The following KAZN variants were observed in gnomAD, a reference collection of about 807,000 sequenced individuals.
KAZN encodes the protein kazrin.
KAZN carries 40 observed loss-of-function variants against 87.4 expected under a neutral mutation model. The observed-to-expected ratio is 0.46, with a 90% CI of 0.36 to 0.60. KAZN has a LOEUF of 0.60. KAZN is among the 20% of genes least tolerant of loss of function. The probability of loss-of-function intolerance (pLI) is 0.00; values close to 1 mark genes in which losing one functional copy is unlikely to be tolerated. For missense variants in KAZN, 898 were observed against 1,073.9 expected (o/e 0.84, Z 2.29); for synonymous variants, 466 against 458.3 (o/e 1.02, Z -0.22).
intron 2 of KAZN, among the ~76,000 whole-genome samples, chr1:15,001,975 G>A (rs1212662646): frequency 6.7e-6 from 1 of 148,530 alleles, no homozygotes; most frequent in Non-Finnish European, 1.5e-5. Context: ...CCGCCTCCTG[G>A]GTTCACGCCA....
intron 8 of KAZN, among the ~76,000 whole-genome samples, chr1:15,080,767 C>G (rs556004055): frequency 6.6e-6 from 1 of 152,330 alleles, no homozygotes; most frequent in East Asian, 1.9e-4. Context: ...CAGTAGTTGG[C>G]TGCCTGAACA....
chr1:15,053,205 G>A (rs1340606476), intron 4 of KAZN, among the ~76,000 whole-genome samples: 1 of 152,220 alleles, frequency 6.6e-6, no homozygotes, highest in Non-Finnish European at 1.5e-5. Context: ...GAGTGTAGCA[G>A]TGTGGAGGGC....
chr1:14,651,746 G>A (rs892746440), intron 1 of KAZN, among the ~76,000 whole-genome samples: 1 of 152,166 alleles, frequency 6.6e-6, no homozygotes, highest in Non-Finnish European at 1.5e-5. Flanking sequence ...GTGAGCTCTA[G>A]CATTAGAAGA....
intron 1 of KAZN, among the ~76,000 whole-genome samples, chr1:14,746,311 T>C (rs1644258436): frequency 6.6e-6 from 1 of 151,930 alleles, no homozygotes; most frequent in South Asian, 2.1e-4. Flanking sequence ...CACAGAGCCA[T>C]GTATTTACTT....
intron 1 of KAZN, among the ~76,000 whole-genome samples, chr1:14,734,055 G>A (rs961636091): frequency 2.6e-5 from 4 of 152,120 alleles, no homozygotes; most frequent in Admixed American, 2.0e-4. Flanking sequence ...CCCTCCTGCC[G>A]GGTGAGCAGT....
chr1:14,677,159 G>T (rs1640275820), intron 1 of KAZN, among the ~76,000 whole-genome samples: 1 of 152,146 alleles, frequency 6.6e-6, no homozygotes, highest in African/African-American at 2.4e-5. Flanking sequence ...AGAAGACCGA[G>T]GATTAGAGAA....
chr1:13,909,881 G>A (rs1300333572), intron 1 of KAZN, among the ~76,000 whole-genome samples: 2 of 152,146 alleles, frequency 1.3e-5, no homozygotes, highest in Non-Finnish European at 2.9e-5. Flanking sequence ...GCTGGCTTCA[G>A]GGAATCCGCT....
At chr1:13,915,546 CCTT>C (rs1423428981) in intron 1 of KAZN, among the ~76,000 whole-genome samples, 5 of 152,202 alleles carry the variant, frequency 3.3e-5, no homozygotes, top group Non-Finnish European at 7.3e-5. Context: ...ATTTCCTCCT[CCTT>C]CTCTGTCCAC....
At chr1:14,276,147 T>C (rs949590228) in intron 2 of KAZN, among the ~76,000 whole-genome samples, 2 of 147,426 alleles carry the variant, frequency 1.4e-5, no homozygotes, top group African/African-American at 5.1e-5. Context: ...TGGAGCATAG[T>C]GTTCGCTATA....
intron 1 of KAZN, among the ~76,000 whole-genome samples, chr1:14,074,646 G>C (rs537036303): frequency 2.6e-4 from 39 of 152,296 alleles, no homozygotes; most frequent in African/African-American, 9.4e-4. Flanking sequence ...GACAGCCTAG[G>C]ACAGGGGACC....
At position 14,858,458 on chromosome 1, in the gene KAZN, C is replaced by T. The variant is rs546022870; in HGVS notation, c.227-102226C>T. Among the ~76,000 whole-genome samples, 4 of 152,196 alleles carry T rather than the reference C, an allele frequency of 2.6e-5. No individual in the cohort carries two copies. In the East Asian group the frequency reaches 5.8e-4, roughly 22 times the overall value. ...GAACTCCTGACCTCAGGTGATCCAC[C>T]GGCCTCGGCCTCCTAAAGTGTTGGG... On this transcript the variant is annotated intron_variant, in intron 1 of 14. Transcript: ENST00000376030.
intron 2 of KAZN, among the ~76,000 whole-genome samples, chr1:14,206,029 T>C (rs968577599): frequency 6.6e-6 from 1 of 151,950 alleles, no homozygotes; most frequent in Non-Finnish European, 1.5e-5. Context: ...AATAAATAAA[T>C]TTTTTAAAAA....
At chr1:14,323,361 T>C (rs1471444324) in intron 2 of KAZN, among the ~76,000 whole-genome samples, 2 of 152,084 alleles carry the variant, frequency 1.3e-5, no homozygotes, top group African/African-American at 2.4e-5. Context: ...GTGAACAGTA[T>C]GAATAACTAC....
At chr1:14,759,945 C>T (rs1384214245) in intron 1 of KAZN, among the ~76,000 whole-genome samples, 1 of 152,112 alleles carries the variant, frequency 6.6e-6, no homozygotes, top group East Asian at 1.9e-4. Context: ...CTCCCGGCCT[C>T]CGAGAACTTA....
At chr1:15,088,903 C>T (rs142308582) in intron 8 of KAZN, among the ~76,000 whole-genome samples, 153 of 152,144 alleles carry the variant, frequency 1.0e-3, no homozygotes, top group African/African-American at 2.8e-3. Flanking sequence ...ATAAATAATG[C>T]GAGCTGTAAA....
chr1:14,933,412 T>C (rs926709496), intron 1 of KAZN, among the ~76,000 whole-genome samples: 3 of 152,022 alleles, frequency 2.0e-5, no homozygotes, highest in African/African-American at 7.3e-5. Context: ...AGTTTTAACA[T>C]ACAGTCCATT....
rs145041305 is a variant in KAZN, at chr1:14,573,060, G to T, written c.250-25923G>T. On this transcript the variant is annotated intron_variant, in intron 2 of 16. Transcript: ENST00000636203. Reference sequence around the variant, plus strand: ...ATCACTCATGCTCCTCAGCTCTGAGGAATGGGGGAGAGGTTTGAAGTCCTA... The same window carrying T: ...ATCACTCATGCTCCTCAGCTCTGAGTAATGGGGGAGAGGTTTGAAGTCCTA... Among the ~76,000 whole-genome samples the T allele has an allele frequency of 5.1e-3, 780 of 152,274 alleles. 3 individuals are homozygous for T. Among genetic ancestry groups the T allele is most frequent in the Non-Finnish European group, 7.8e-3 (529 of 68,018 alleles).
At chr1:14,786,010 G>T (rs2100666857) in intron 1 of KAZN, among the ~76,000 whole-genome samples, 1 of 152,206 alleles carries the variant, frequency 6.6e-6, no homozygotes, top group East Asian at 1.9e-4. Flanking sequence ...TAATGATCTT[G>T]CAGAATCGTT....
intron 1 of KAZN, among the ~76,000 whole-genome samples, chr1:14,926,840 A>C (rs961110641): frequency 1.3e-5 from 2 of 152,196 alleles, no homozygotes; most frequent in Non-Finnish European, 2.9e-5. Context: ...TAAGGAGCTG[A>C]AAGAGGTGCC....
Sources: gnomAD v4.1 joint callset for allele counts (sites outside exome capture counted in the v4.1 genomes callset) on GRCh38, gnomAD v4.1.1 for gene constraint, MANE v1.5 for transcripts, NCBI Gene and HGNC (gene_info 2026-07-23, HGNC 2026-07-21) for gene names.